The following TMEM117 variants were observed in gnomAD, a reference collection of about 807,000 sequenced individuals.
TMEM117 encodes the protein transmembrane protein 117.
In TMEM117, 27 loss-of-function variants were observed where a neutral mutation model predicts 52.4. The observed-to-expected ratio is 0.51, with a 90% CI of 0.38 to 0.71. The LOEUF (loss-of-function observed/expected upper bound fraction) is 0.71. TMEM117 is among the 30% of genes least tolerant of loss of function. The probability of loss-of-function intolerance (pLI) is 0.00; values close to 1 mark genes in which losing one functional copy is unlikely to be tolerated. For synonymous variants in TMEM117, 215 were observed against 206.3 expected (o/e 1.04, Z -0.36); for missense variants, 556 against 630.5 (o/e 0.88, Z 1.26).
intron 2 of TMEM117, among the ~76,000 whole-genome samples, chr12:43,940,294 C>T (rs972204697): frequency 8.5e-5 from 13 of 152,204 alleles, no homozygotes; most frequent in African/African-American, 3.1e-4. Flanking sequence ...ACTTCTCCTT[C>T]TCCTCTGAGA....
intron 4 of TMEM117, among the ~76,000 whole-genome samples, 200 bp from the exon 5 acceptor site, chr12:44,211,089 TG>T (rs1219211023): frequency 6.6e-6 from 1 of 152,194 alleles, no homozygotes; most frequent in Non-Finnish European, 1.5e-5. Context: ...ACTTTAAATG[TG>T]CTCATTCTGT....
intron 3 of TMEM117, among the ~76,000 whole-genome samples, chr12:43,981,109 T>C (rs777972796): frequency 6.6e-6 from 1 of 152,112 alleles, no homozygotes; most frequent in African/African-American, 2.4e-5. Flanking sequence ...TCCAAGAAAG[T>C]TAGTGTCTTT....
chr12:44,073,047 A>G (rs1368936687), intron 3 of TMEM117, among the ~76,000 whole-genome samples: 4 of 151,914 alleles, frequency 2.6e-5, no homozygotes, highest in African/African-American at 9.7e-5. Context: ...CTGAGGTCGT[A>G]CTACTGCACT....
At chr12:44,211,521 A>G in intron 5 of TMEM117, 134 bp downstream of exon 5, 1 of 577,180 alleles carries the variant, frequency 1.7e-6, no homozygotes, top group Admixed American at 3.6e-5. Flanking sequence ...CTCCATTAAA[A>G]CCATTATCCT....
At chr12:44,304,913 C>T (rs2138654948) in intron 6 of TMEM117, among the ~76,000 whole-genome samples, 1 of 152,334 alleles carries the variant, frequency 6.6e-6, no homozygotes, top group Non-Finnish European at 1.5e-5. Context: ...CGAGATATTC[C>T]TTCTACTTGA....
At chr12:43,921,442 C>G (rs1944692842) in intron 2 of TMEM117, among the ~76,000 whole-genome samples, 2 of 152,122 alleles carry the variant, frequency 1.3e-5, no homozygotes, top group African/African-American at 2.4e-5. Flanking sequence ...ATCCCACTTG[C>G]TAGCTGTATG....
intron 3 of TMEM117, among the ~76,000 whole-genome samples, chr12:44,089,565 C>A (rs141733628): frequency 7.9e-5 from 12 of 152,230 alleles, no homozygotes; most frequent in African/African-American, 2.4e-4. Context: ...TGTCCCACCC[C>A]ACAGATTTTC....
chr12:44,095,504 T>C (rs1307277293), intron 3 of TMEM117, among the ~76,000 whole-genome samples: 3 of 151,952 alleles, frequency 2.0e-5, no homozygotes, highest in Non-Finnish European at 4.4e-5. Context: ...AAATGGAAGA[T>C]ATGTGTTTAG....
chr12:44,281,535 C>G (rs1247321812), intron 5 of TMEM117, among the ~76,000 whole-genome samples: 1 of 152,100 alleles, frequency 6.6e-6, no homozygotes, highest in African/African-American at 2.4e-5. Flanking sequence ...TTATTTTTAA[C>G]CCAGTATATA....
chr12:44,057,905 T>C (rs1947082007), intron 3 of TMEM117, among the ~76,000 whole-genome samples: 1 of 152,226 alleles, frequency 6.6e-6, no homozygotes, highest in Non-Finnish European at 1.5e-5. Context: ...TGTAAAGCAC[T>C]GGTGATTATA....
At chr12:43,826,883 C>T in the TMEM117 span, among the ~76,000 whole-genome samples, 5 of 151,912 alleles carry the variant, frequency 3.3e-5, no homozygotes, top group Non-Finnish European at 5.9e-5. Context: ...TAGAATAGTG[C>T]CTGGAATGCA....
chr12:44,193,486 C>G (rs1369829481), intron 4 of TMEM117, among the ~76,000 whole-genome samples: 1 of 152,150 alleles, frequency 6.6e-6, no homozygotes, highest in Non-Finnish European at 1.5e-5. Context: ...ACTTAGAGCA[C>G]TTGTTTTTTC....
At chr12:43,798,058 A>G in the TMEM117 span, among the ~76,000 whole-genome samples, 1 of 152,088 alleles carries the variant, frequency 6.6e-6, no homozygotes, top group East Asian at 1.9e-4. Context: ...ATGAGTGTAC[A>G]GTTAGTGGGG....
intron 3 of TMEM117, among the ~76,000 whole-genome samples, chr12:44,096,555 T>C (rs1412275066): frequency 1.3e-5 from 2 of 151,526 alleles, no homozygotes; most frequent in East Asian, 1.9e-4. Flanking sequence ...TCAGAAATAA[T>C]GCCGCATATC....
At chr12:43,897,702 G>A (rs1319419558) in intron 2 of TMEM117, among the ~76,000 whole-genome samples, 2 of 151,892 alleles carry the variant, frequency 1.3e-5, no homozygotes, top group African/African-American at 4.8e-5. Context: ...CTGCCTCCTG[G>A]GTTCAAGCCA....
chr12:44,027,861 A>T (rs1224023719), intron 3 of TMEM117, among the ~76,000 whole-genome samples: 1 of 152,196 alleles, frequency 6.6e-6, no homozygotes, highest in Non-Finnish European at 1.5e-5. Flanking sequence ...TAGCTGTTAC[A>T]CACTCTTAAG....
In TMEM117 at chr12:44,388,729, A is replaced by C; in HGVS notation, c.*57A>C. On this transcript the variant is annotated 3_prime_UTR_variant, in exon 8 of 8. Coordinates refer to ENST00000266534, the MANE Select transcript of TMEM117 (RefSeq NM_032256.3). ...AGCAACCTTGAGTGTAACTTTAAAA[A>C]TTTAGTCTTTCCTTTTGTATATGTA... The C allele has an allele frequency of 6.4e-7, 1 of 1,565,654 alleles. No homozygotes were observed. The highest frequency in any genetic ancestry group is 1.9e-5 in the Admixed American group (1 of 52,358).
At chr12:43,898,275 CT>C (rs1375122116) in intron 2 of TMEM117, among the ~76,000 whole-genome samples, 4 of 151,632 alleles carry the variant, frequency 2.6e-5, no homozygotes, top group Admixed American at 2.6e-4. Context: ...TGTAATTTTT[CT>C]CTTAGTAATC....
chr12:44,374,809 G>T (rs556131334), intron 6 of TMEM117, among the ~76,000 whole-genome samples: 11 of 151,974 alleles, frequency 7.2e-5, no homozygotes, highest in East Asian at 1.9e-4. Flanking sequence ...AAAAGAAGCC[G>T]GTTCTGAATA....
Sources: gnomAD v4.1 joint callset for allele counts (sites outside exome capture counted in the v4.1 genomes callset) on GRCh38, gnomAD v4.1.1 for gene constraint, MANE v1.5 for transcripts, NCBI Gene and HGNC (gene_info 2026-07-23, HGNC 2026-07-21) for gene names.